Variants in TLCD4 observed in about 807,000 individuals in gnomAD.
TLCD4 encodes the protein TLC domain containing 4.
TLCD4 carries 7 observed loss-of-function variants against 24.2 expected under a neutral mutation model. The observed-to-expected ratio is 0.29, with a 90% CI of 0.16 to 0.54. The LOEUF (loss-of-function observed/expected upper bound fraction) is 0.54. Among genes scored for constraint, TLCD4 ranks in the 20% least tolerant of loss-of-function variants. The pLI is 0.95. For missense variants in TLCD4, 259 were observed against 313.9 expected, an observed-to-expected ratio of 0.82 and a Z score of 1.32; for synonymous variants, 103 against 106.4, an observed-to-expected ratio of 0.97 and a Z score of 0.20.
chr1:95,197,469 C>A lies in TLCD4; in HGVS notation c.*5601C>A, dbSNP rs1679238055. On this transcript the variant is annotated 3_prime_UTR_variant, in exon 7 of 7. Transcript: ENST00000370203. ...AACATTTCAAGAATGATAAAATGAA[C>A]ACCCTGTAAATTACCCTTCTCCCCC... 1 of 152,008 alleles carries A rather than the reference C, an allele frequency of 6.6e-6. No homozygotes were observed. Among genetic ancestry groups the A allele is most frequent in the Non-Finnish European group, 1.5e-5 (1 of 67,994 alleles). The allele number at this position is 152,008 out of a possible 1,614,324, so 9.4% of individuals were successfully genotyped here. A position where few individuals can be genotyped will look rare whatever the true frequency, so the allele number is the denominator to read the frequency against.
intron 1 of TLCD4, among the ~76,000 whole-genome samples, chr1:95,139,382 A>AG (rs1177178062): frequency 6.7e-6 from 1 of 148,588 alleles, no homozygotes; most frequent in East Asian, 2.0e-4. Context: ...GATTTTAAAA[A>AG]TTTCTTTTTT....
intron 2 of TLCD4, among the ~76,000 whole-genome samples, chr1:95,146,190 T>A (rs2100940262): frequency 6.6e-6 from 1 of 152,080 alleles, no homozygotes; most frequent in Admixed American, 6.5e-5. Flanking sequence ...AAAAAATCAC[T>A]GGAAATGCCC....
chr1:95,163,810 G>C (rs1038258205), intron 5 of TLCD4: 2 of 153,500 alleles, frequency 1.3e-5, no homozygotes, highest in African/African-American at 4.8e-5. Flanking sequence ...GGAGGCTGCA[G>C]AACAGCAAAT....
intron 1 of TLCD4, chr1:95,138,309 T>C (rs1261387221): frequency 6.6e-6 from 1 of 152,124 alleles, no homozygotes; most frequent in African/African-American, 2.4e-5. Context: ...CAGAGACAGA[T>C]GGATGGACTG....
intron 2 of TLCD4, among the ~76,000 whole-genome samples, chr1:95,146,507 T>A (rs1201288685): frequency 3.9e-5 from 6 of 152,134 alleles, no homozygotes. Flanking sequence ...TAGAGTGCTA[T>A]CCCTTTATAT....
At position 95,173,839 on chromosome 1, in the gene TLCD4, T is replaced by C. The variant is rs768962769; in HGVS notation, c.423T>C (p.Ile141=). 1 of 1,614,074 alleles carries C rather than the reference T, an allele frequency of 6.2e-7. No homozygotes were observed. The highest frequency in any genetic ancestry group is 1.7e-5 in the Admixed American group (1 of 60,002). ...LVLKNGVLAY[I]GNFRLLAELS... is the part of the protein sequence containing the mutation. ...AGAAAAATGGAGTGCTGGCATACATTGGGAATTTTCGCCTGCTTGCAGAGC... is the reference window on the plus strand; with the variant it reads ...AGAAAAATGGAGTGCTGGCATACATCGGGAATTTTCGCCTGCTTGCAGAGC... The change falls in exon 6 of 7, where the codon ATT becomes ATC. Residue 141 remains isoleucine, a synonymous_variant. Coordinates refer to ENST00000370203, the MANE Select transcript of TLCD4 (RefSeq NM_152487.3).
At chr1:95,109,912 CATATATATATATATATATATATAT>C in the TLCD4 span, among the ~76,000 whole-genome samples, 14 of 80,260 alleles carry the variant, frequency 1.7e-4, no homozygotes, top group East Asian at 1.2e-3. Context: ...TGTGTGTATG[CATATATATATATATATATATATAT>C]ATATATATAT....
intron 1 of TLCD4, among the ~76,000 whole-genome samples, chr1:95,129,921 A>G (rs1676841013): frequency 6.6e-6 from 1 of 152,174 alleles, no homozygotes. Context: ...ACTCACGATA[A>G]TGGTTCTTTA....
chr1:95,104,489 C>T, the TLCD4 span, among the ~76,000 whole-genome samples: 3 of 151,380 alleles, frequency 2.0e-5, no homozygotes, highest in Non-Finnish European at 2.9e-5. Flanking sequence ...ACAATGAAAC[C>T]CCATCTCTAC....
the TLCD4 span, among the ~76,000 whole-genome samples, chr1:95,096,550 T>C: frequency 6.6e-6 from 1 of 152,342 alleles, no homozygotes; most frequent in East Asian, 1.9e-4. Context: ...GAGGAAATCA[T>C]GACCCAGATA....
At chr1:95,106,590 G>A in the TLCD4 span, among the ~76,000 whole-genome samples, 3 of 152,094 alleles carry the variant, frequency 2.0e-5, no homozygotes, top group Non-Finnish European at 2.9e-5. Flanking sequence ...CTACTCAGGA[G>A]GCTGAGGTGG....
intron 6 of TLCD4, among the ~76,000 whole-genome samples, chr1:95,177,578 T>C (rs1410133852): frequency 6.6e-6 from 1 of 152,194 alleles, no homozygotes; most frequent in Non-Finnish European, 1.5e-5. Flanking sequence ...AAAAATAATT[T>C]TATTTTTTAT....
chr1:95,109,352 A>G, the TLCD4 span, among the ~76,000 whole-genome samples: 1 of 151,654 alleles, frequency 6.6e-6, no homozygotes, highest in Non-Finnish European at 1.5e-5. Context: ...TTAAATAAAT[A>G]AATAAATAAA....
intron 6 of TLCD4, among the ~76,000 whole-genome samples, chr1:95,176,941 G>A (rs542187255): frequency 8.6e-5 from 13 of 151,608 alleles, no homozygotes; most frequent in African/African-American, 2.9e-4. Flanking sequence ...AAGTCATTTG[G>A]CTGTACATGC....
At chr1:95,111,148 A>T in the TLCD4 span, among the ~76,000 whole-genome samples, 2 of 145,612 alleles carry the variant, frequency 1.4e-5, no homozygotes, top group African/African-American at 2.5e-5. Flanking sequence ...AAAAAAAAAG[A>T]TTATCTGGGT....
the TLCD4 span, among the ~76,000 whole-genome samples, chr1:95,110,118 A>G: frequency 5.3e-5 from 8 of 150,922 alleles, no homozygotes; most frequent in Non-Finnish European, 1.2e-4. Context: ...GAAAAAATGT[A>G]TATTTAAAAA....
intron 1 of TLCD4, among the ~76,000 whole-genome samples, chr1:95,142,207 A>C (rs1456250208): frequency 6.6e-6 from 1 of 151,242 alleles, no homozygotes; most frequent in Admixed American, 6.6e-5. Context: ...TGAAATAGAA[A>C]ACACACTTTG....
intron 6 of TLCD4, among the ~76,000 whole-genome samples, chr1:95,186,794 CTTAA>C (rs770856454): frequency 2.6e-5 from 4 of 152,310 alleles, no homozygotes; most frequent in Non-Finnish European, 2.9e-5. Flanking sequence ...AATAGTCTTT[CTTAA>C]TTGTCTTAGA....
At chr1:95,120,006 AAGG>A (rs1676528012) in intron 1 of TLCD4, 1 of 152,268 alleles carries the variant, frequency 6.6e-6, no homozygotes. Context: ...CATTTGGACA[AAGG>A]AGGGCCAGAC....
Sources: allele counts gnomAD v4.1 joint callset (sites outside exome capture counted in the v4.1 genomes callset), GRCh38; gene constraint gnomAD v4.1.1; transcripts MANE v1.5; gene names NCBI Gene and HGNC (gene_info 2026-07-23, HGNC 2026-07-21).